The following CEP126 variants were observed in gnomAD, a reference collection of about 807,000 sequenced individuals.
The protein encoded by CEP126 is centrosomal protein of 126 kDa.
Under a neutral mutation model 107.8 loss-of-function variants are expected in CEP126, and 74 were observed. The observed-to-expected ratio is 0.69, with a 90% CI of 0.57 to 0.83. The LOEUF (loss-of-function observed/expected upper bound fraction) is 0.83. CEP126 is among the 40% of genes least tolerant of loss of function. The pLI, the probability that CEP126 is intolerant of heterozygous loss-of-function variation, is 0.00. For synonymous variants in CEP126, 449 were observed against 446.0 expected (o/e 1.01, Z -0.08); for missense variants, 1,237 against 1,281.9 (o/e 0.96, Z 0.53).
chr11:101,915,769 A>G (rs1416341358), intron 1 of CEP126, among the ~76,000 whole-genome samples: 4 of 152,138 alleles, frequency 2.6e-5, no homozygotes, highest in African/African-American at 4.8e-5. Flanking sequence ...CTACTTGGAG[A>G]GAGAAATTAC....
chr11:101,928,722 G>T (rs1940447688), intron 2 of CEP126, among the ~76,000 whole-genome samples: 1 of 152,098 alleles, frequency 6.6e-6, no homozygotes, highest in Admixed American at 6.5e-5. Flanking sequence ...TCTATTTTGG[G>T]GTTCTTTATT....
chr11:101,920,404 G>T (rs1417479067), intron 1 of CEP126, among the ~76,000 whole-genome samples: 1 of 152,060 alleles, frequency 6.6e-6, no homozygotes, highest in Non-Finnish European at 1.5e-5. Context: ...ATCAATTTAT[G>T]AGATTTTTAC....
chr11:101,994,687 A>G (rs1461476438), intron 10 of CEP126, among the ~76,000 whole-genome samples: 1 of 152,168 alleles, frequency 6.6e-6, no homozygotes, highest in African/African-American at 2.4e-5. Flanking sequence ...ATAGGAGTAC[A>G]ACATTATTTC....
At chr11:101,961,577 G>A (rs1591284193) in intron 5 of CEP126, among the ~76,000 whole-genome samples, 164 bp from the exon 6 acceptor site, 1 of 151,972 alleles carries the variant, frequency 6.6e-6, no homozygotes, top group South Asian at 2.1e-4. Flanking sequence ...TTTTTACCTT[G>A]AGGATTGCTG....
chr11:101,969,897 A>T (rs1243346618), intron 6 of CEP126, among the ~76,000 whole-genome samples: 2 of 152,218 alleles, frequency 1.3e-5, no homozygotes, highest in South Asian at 2.1e-4. Context: ...AGTAAAAATG[A>T]TCCTTATCTT....
intron 2 of CEP126, among the ~76,000 whole-genome samples, chr11:101,925,008 C>G (rs1405783962): frequency 1.3e-5 from 2 of 152,110 alleles, no homozygotes; most frequent in Admixed American, 1.3e-4. Flanking sequence ...TTTCCATTCT[C>G]TCAGTCAGTA....
At chr11:101,975,659 T>G (rs899957913) in intron 6 of CEP126, among the ~76,000 whole-genome samples, 3 of 152,188 alleles carry the variant, frequency 2.0e-5, no homozygotes, top group Non-Finnish European at 4.4e-5. Context: ...TCACTAGGTT[T>G]TGGTGTACAG....
intron 6 of CEP126, among the ~76,000 whole-genome samples, chr11:101,964,667 C>T (rs145213483): frequency 2.0e-5 from 3 of 151,618 alleles, no homozygotes; most frequent in Admixed American, 2.0e-4. Flanking sequence ...AACATTGTGA[C>T]GTTAGTAGCT....
intron 3 of CEP126, among the ~76,000 whole-genome samples, chr11:101,945,681 C>T (rs1940725224): frequency 6.6e-6 from 1 of 152,042 alleles, no homozygotes; most frequent in African/African-American, 2.4e-5. Context: ...TCACTCGGCT[C>T]AAAAGTCTTT....
At chr11:101,990,309 C>A (rs1470925980) in intron 9 of CEP126, among the ~76,000 whole-genome samples, 2 of 152,108 alleles carry the variant, frequency 1.3e-5, no homozygotes, top group African/African-American at 4.8e-5. Flanking sequence ...GTAGGAAAGG[C>A]ATGAAGCGCC....
intron 4 of CEP126, among the ~76,000 whole-genome samples, chr11:101,949,305 C>A (rs531152764): frequency 6.6e-6 from 1 of 152,232 alleles, no homozygotes; most frequent in Non-Finnish European, 1.5e-5. Context: ...TAATTTTAGG[C>A]AAATTAGTGA....
Position 101,982,114 on chromosome 11 carries a change from G to T in CEP126, c.3034+150G>T, listed in dbSNP as rs988079500. 19 of 486,206 alleles carry T rather than the reference G, an allele frequency of 3.9e-5. No homozygotes were observed. In the Admixed American group the frequency reaches 6.4e-4, roughly 16 times the overall value. 30.1% of individuals were successfully genotyped at this position (486,206 alleles called of 1,614,324 possible). A position where few individuals can be genotyped will look rare whatever the true frequency, so the allele number is the denominator to read the frequency against. ...CTCACCCCTGCACATCCAGGTCATT[G>T]TCAGTGTTCCTTTATTCTAAATAAT... On this transcript the variant is annotated intron_variant, in intron 8 of 10. Transcript: ENST00000263468.
chr11:101,967,961 C>T (rs1039305411), intron 6 of CEP126, among the ~76,000 whole-genome samples: 1 of 152,108 alleles, frequency 6.6e-6, no homozygotes, highest in African/African-American at 2.4e-5. Flanking sequence ...TATGCAGCAA[C>T]TTTGACACAC....
At chr11:101,966,023 A>T (rs1266014877) in intron 6 of CEP126, among the ~76,000 whole-genome samples, 1 of 152,210 alleles carries the variant, frequency 6.6e-6, no homozygotes, top group Non-Finnish European at 1.5e-5. Flanking sequence ...TGATTCTCTG[A>T]TAAAGGAATG....
rs377438714 is a variant in CEP126 at position 101,962,223 on chromosome 11, C to T, written c.1188C>T (p.Asp396=). The T allele has an allele frequency of 2.5e-6, 4 of 1,613,834 alleles. 1 individual carries two copies. The African/African-American group carries it at 5.3e-5, about 22-fold the overall frequency. Reference sequence around the variant, plus strand: ...AAACTAGCACTATGAGGACAACTGACTCCACTTCTGGAGCATTCAAAAGAG... The same window carrying T: ...AAACTAGCACTATGAGGACAACTGATTCCACTTCTGGAGCATTCAAAAGAG... ...TSETSTMRTT[D]STSGAFKRER... Residue 396 remains aspartate (D), a synonymous_variant, in exon 6 of 11, where the codon GAC becomes GAT. Transcript: ENST00000263468.
intron 2 of CEP126, among the ~76,000 whole-genome samples, chr11:101,934,129 A>G (rs1183391052): frequency 6.6e-6 from 1 of 152,074 alleles, no homozygotes; most frequent in African/African-American, 2.4e-5. Context: ...CTTCAAGCAC[A>G]TGCCATCAAA....
At chr11:101,980,004 G>A (rs1169193488) in intron 7 of CEP126, among the ~76,000 whole-genome samples, 1 of 152,076 alleles carries the variant, frequency 6.6e-6, no homozygotes, top group Non-Finnish European at 1.5e-5. Context: ...GTTACTGGTT[G>A]AAGGTGCTAT....
Position 102,000,057 on chromosome 11 carries a change from C to T in CEP126, c.*2414C>T, listed in dbSNP as rs1173523186. ...TAGCTGGGCATGGTGGCACGCACCT[C>T]TACTCCCAGCTACTAGGAGGCTGAG... On this transcript the variant is annotated 3_prime_UTR_variant, in exon 11 of 11. Transcript: ENST00000263468. 6.6e-6 allele frequency: 1 copy of T among 152,106 alleles called. No individual in the cohort carries two copies. The highest frequency in any genetic ancestry group is 1.5e-5 in the Non-Finnish European group (1 of 68,092). 9.4% of individuals were successfully genotyped at this position (152,106 alleles called of 1,614,324 possible).
intron 10 of CEP126, among the ~76,000 whole-genome samples, chr11:101,994,586 T>G (rs995267411): frequency 1.3e-5 from 2 of 152,226 alleles, no homozygotes; most frequent in Non-Finnish European, 2.9e-5. Context: ...CTTCTGCACA[T>G]GGCTATCCAG....
Sources: allele counts gnomAD v4.1 joint callset (sites outside exome capture counted in the v4.1 genomes callset), GRCh38; gene constraint gnomAD v4.1.1; transcripts MANE v1.5; gene names NCBI Gene and HGNC (gene_info 2026-07-23, HGNC 2026-07-21).